Variants in PCDH9 observed in about 807,000 individuals in gnomAD.
The protein encoded by PCDH9 is protocadherin 9.
Under a neutral mutation model 70.6 loss-of-function variants are expected in PCDH9, and 24 were observed. That is an observed-to-expected ratio of 0.34 (90% CI 0.25 to 0.48). The LOEUF (loss-of-function observed/expected upper bound fraction) is 0.48, where lower values mean the gene tolerates loss of function less well. PCDH9 is among the 20% of genes least tolerant of loss of function. PCDH9 has a pLI of 0.99. For synonymous variants in PCDH9, 562 were observed against 558.5 expected, an observed-to-expected ratio of 1.01 and a Z score of -0.09; for missense variants, 1,281 against 1,503.6, an observed-to-expected ratio of 0.85 and a Z score of 2.45.
chr13:66,944,718 A>G (rs1287096088), intron 2 of PCDH9, among the ~76,000 whole-genome samples: 1 of 152,246 alleles, frequency 6.6e-6, no homozygotes, highest in East Asian at 1.9e-4. Context: ...GGTTGTGCAC[A>G]CAGCTCTGCC....
At chr13:67,158,388 A>G (rs2138409542) in intron 2 of PCDH9, among the ~76,000 whole-genome samples, 1 of 152,370 alleles carries the variant, frequency 6.6e-6, no homozygotes, top group African/African-American at 2.4e-5. Context: ...GCCCTAAAGC[A>G]TGAATACTGC....
At chr13:66,748,664 T>C (rs2079409760) in intron 3 of PCDH9, among the ~76,000 whole-genome samples, 1 of 152,192 alleles carries the variant, frequency 6.6e-6, no homozygotes, top group African/African-American at 2.4e-5. Context: ...GAACTAATAG[T>C]ATAAATTGTG....
At chr13:67,122,267 G>A (rs536297092) in intron 2 of PCDH9, among the ~76,000 whole-genome samples, 86 of 152,120 alleles carry the variant, frequency 5.7e-4, no homozygotes, top group African/African-American at 2.0e-3. Context: ...ATTACAATGT[G>A]TAATTACACA....
chr13:67,153,697 T>C (rs1011030743), intron 2 of PCDH9, among the ~76,000 whole-genome samples: 2 of 152,238 alleles, frequency 1.3e-5, no homozygotes, highest in African/African-American at 2.4e-5. Flanking sequence ...AAAAAATAGA[T>C]ACATTTTAAA....
chr13:67,111,014 T>C (rs1026387557), intron 2 of PCDH9, among the ~76,000 whole-genome samples: 1 of 152,226 alleles, frequency 6.6e-6, no homozygotes, highest in Non-Finnish European at 1.5e-5. Flanking sequence ...GACTACTCAA[T>C]GCATATGGCT....
chr13:67,210,301 A>G (rs2089442329), intron 2 of PCDH9: 1 of 152,042 alleles, frequency 6.6e-6, no homozygotes, highest in South Asian at 2.1e-4. Context: ...TCAGAAGGGG[A>G]AAATTAATCA....
chr13:67,013,216 TAC>T (rs1002753079), intron 2 of PCDH9, among the ~76,000 whole-genome samples: 18 of 151,128 alleles, frequency 1.2e-4, no homozygotes. Context: ...AAAATCCTGT[TAC>T]AGTTTTTCGA....
At chr13:67,111,709 C>G (rs961496663) in intron 2 of PCDH9, among the ~76,000 whole-genome samples, 4 of 152,044 alleles carry the variant, frequency 2.6e-5, no homozygotes, top group Non-Finnish European at 5.9e-5. Flanking sequence ...ATTAGCATGT[C>G]AAGTCTTATT....
intron 2 of PCDH9, among the ~76,000 whole-genome samples, chr13:66,954,009 A>G (rs916252926): frequency 6.6e-6 from 1 of 152,220 alleles, no homozygotes; most frequent in African/African-American, 2.4e-5. Flanking sequence ...CATGCTTCAC[A>G]CTAGGTAGCT....
chr13:66,800,557 T>C (rs974341688), intron 3 of PCDH9, among the ~76,000 whole-genome samples: 4 of 152,174 alleles, frequency 2.6e-5, no homozygotes, highest in Non-Finnish European at 5.9e-5. Context: ...GTGCCTAGAA[T>C]GGTCGCATTG....
intron 4 of PCDH9, among the ~76,000 whole-genome samples, chr13:66,495,566 C>T (rs1330937951): frequency 6.6e-6 from 1 of 151,046 alleles, no homozygotes; most frequent in Non-Finnish European, 1.5e-5. Context: ...TCAATGTTTA[C>T]TTGCAAAATA....
intron 3 of PCDH9, among the ~76,000 whole-genome samples, chr13:66,850,521 G>GA (rs36074964): frequency 0.62 from 87,378 of 141,858 alleles, 26,433 homozygotes; most frequent in South Asian, 0.68. Flanking sequence ...CAAAAAAACA[G>GA]AAAAAAAAAA....
chr13:66,917,280 A>G (rs1036210739), intron 2 of PCDH9, among the ~76,000 whole-genome samples: 9 of 151,540 alleles, frequency 5.9e-5, no homozygotes, highest in Non-Finnish European at 1.3e-4. Flanking sequence ...TGTTGCTTGT[A>G]AAATTGGTAC....
chr13:67,004,697 C>T (rs9540968), intron 2 of PCDH9, among the ~76,000 whole-genome samples: 14,516 of 151,946 alleles, frequency 0.096, 771 homozygotes, highest in Non-Finnish European at 0.12. Context: ...GGTTGGAATC[C>T]AGCTTTTTTC....
intron 3 of PCDH9, among the ~76,000 whole-genome samples, chr13:66,884,868 T>C (rs554797332): frequency 2.0e-5 from 3 of 152,306 alleles, no homozygotes; most frequent in African/African-American, 7.2e-5. Flanking sequence ...AGTTACATTC[T>C]ATGTCTCTCA....
intron 3 of PCDH9, among the ~76,000 whole-genome samples, chr13:66,841,352 C>T (rs1159931382): frequency 6.6e-6 from 1 of 152,100 alleles, no homozygotes; most frequent in African/African-American, 2.4e-5. Flanking sequence ...TGTGATTTCC[C>T]CCCACGCTTG....
chr13:66,878,387 C>T (rs1268308406), intron 3 of PCDH9, among the ~76,000 whole-genome samples: 1 of 151,976 alleles, frequency 6.6e-6, no homozygotes, highest in African/African-American at 2.4e-5. Context: ...CCACCACGCC[C>T]GGCTAATTAT....
chr13:66,330,368 C>T (rs1955921592), intron 4 of PCDH9, among the ~76,000 whole-genome samples: 3 of 152,202 alleles, frequency 2.0e-5, no homozygotes, highest in Non-Finnish European at 4.4e-5. Context: ...AAGCAGTTGT[C>T]TATACAAGTG....
At chr13:67,132,616 T>C (rs1411468404) in intron 2 of PCDH9, among the ~76,000 whole-genome samples, 2 of 152,002 alleles carry the variant, frequency 1.3e-5, no homozygotes, top group Non-Finnish European at 2.9e-5. Flanking sequence ...AAATTCAAAA[T>C]AATTCTAAGA....
Sources: allele counts gnomAD v4.1 joint callset (sites outside exome capture counted in the v4.1 genomes callset), GRCh38; gene constraint gnomAD v4.1.1; transcripts MANE v1.5; gene names NCBI Gene and HGNC (gene_info 2026-07-23, HGNC 2026-07-21).